BAIAP2L1: variants seen among roughly 807,000 people sequenced by gnomAD.
BAIAP2L1 encodes the protein BAR/IMD domain containing adaptor protein 2 like 1.
A neutral mutation model predicts 66.3 loss-of-function variants in BAIAP2L1; 35 were observed. The observed-to-expected ratio is 0.53, with a 90% CI of 0.40 to 0.70. The LOEUF is 0.70. Ranked by LOEUF, BAIAP2L1 falls within the 30% of genes least tolerant of loss-of-function variation. The probability of loss-of-function intolerance (pLI) is 0.00; values close to 1 mark genes in which losing one functional copy is unlikely to be tolerated. For synonymous variants in BAIAP2L1, 269 were observed against 248.7 expected, an observed-to-expected ratio of 1.08 and a Z score of -0.77; for missense variants, 622 against 656.9, an observed-to-expected ratio of 0.95 and a Z score of 0.58.
chr7:98,337,745 A>G (rs766653962), intron 3 of BAIAP2L1, among the ~76,000 whole-genome samples: 2 of 152,010 alleles, frequency 1.3e-5, no homozygotes, highest in Non-Finnish European at 2.9e-5. Context: ...GTGAAACCCC[A>G]TCTCTAATAA....
chr7:98,301,655 AGAT>A (rs756539056), intron 12 of BAIAP2L1, among the ~76,000 whole-genome samples: 4 of 151,942 alleles, frequency 2.6e-5, no homozygotes, highest in Admixed American at 6.6e-5. Flanking sequence ...GGGAACCTGA[AGAT>A]GATGGTGTGT....
At chr7:98,360,795 T>A (rs1802252574) in intron 2 of BAIAP2L1, among the ~76,000 whole-genome samples, 1 of 152,178 alleles carries the variant, frequency 6.6e-6, no homozygotes, top group Non-Finnish European at 1.5e-5. Context: ...CAGGGGCACT[T>A]GCAGAAGTCA....
At chr7:98,329,382 T>C (rs994481692) in intron 3 of BAIAP2L1, among the ~76,000 whole-genome samples, 18 of 152,078 alleles carry the variant, frequency 1.2e-4, no homozygotes, top group African/African-American at 3.6e-4. Flanking sequence ...GAAGAACTGC[T>C]GGGGGCTTGG....
intron 3 of BAIAP2L1, among the ~76,000 whole-genome samples, chr7:98,327,256 G>A (rs1303435306): frequency 1.3e-5 from 2 of 152,080 alleles, no homozygotes; most frequent in Non-Finnish European, 2.9e-5. Context: ...AGCTACTTGG[G>A]AGGCTGAAGC....
At chr7:98,310,687 T>TATTTATTTA in intron 8 of BAIAP2L1, 95 bp from the exon 9 acceptor site, 1 of 777,608 alleles carries the variant, frequency 1.3e-6, no homozygotes, top group Non-Finnish European at 1.8e-6. Flanking sequence ...AATAATAGGC[T>TATTTATTTA]ATTTATTTAT....
At chr7:98,387,536 T>TA (rs1444481351) in intron 1 of BAIAP2L1, among the ~76,000 whole-genome samples, 3 of 152,204 alleles carry the variant, frequency 2.0e-5, no homozygotes, top group African/African-American at 4.8e-5. Flanking sequence ...CTTGAGTTCT[T>TA]ACTATGCGCC....
chr7:98,393,076 C>CAT (rs1235705349), intron 1 of BAIAP2L1, among the ~76,000 whole-genome samples: 1 of 127,788 alleles, frequency 7.8e-6, no homozygotes, highest in Non-Finnish European at 1.6e-5. Flanking sequence ...TATATGTATA[C>CAT]ACACACATAT....
intron 12 of BAIAP2L1, among the ~76,000 whole-genome samples, chr7:98,295,909 G>C (rs979261194): frequency 1.3e-5 from 2 of 152,214 alleles, no homozygotes; most frequent in Non-Finnish European, 2.9e-5. Context: ...TAAGATGACA[G>C]CTGGAAGCCA....
chr7:98,374,175 C>T (rs1242736157), intron 1 of BAIAP2L1, among the ~76,000 whole-genome samples: 2 of 152,084 alleles, frequency 1.3e-5, no homozygotes, highest in Non-Finnish European at 2.9e-5. Context: ...CCTTGAACTC[C>T]TGGACTCAAG....
chr7:98,341,278 C>T (rs1479834653), intron 3 of BAIAP2L1, among the ~76,000 whole-genome samples: 3 of 152,162 alleles, frequency 2.0e-5, no homozygotes, highest in East Asian at 1.9e-4. Context: ...CAGACTCATA[C>T]TCACATGGTT....
chr7:98,342,418 G>T (rs561728344), intron 3 of BAIAP2L1, among the ~76,000 whole-genome samples: 1 of 152,224 alleles, frequency 6.6e-6, no homozygotes, highest in African/African-American at 2.4e-5. Flanking sequence ...CTGAGTATCA[G>T]CAAGACAAAT....
At chr7:98,334,376 A>C (rs145397903) in intron 3 of BAIAP2L1, among the ~76,000 whole-genome samples, 1 of 152,270 alleles carries the variant, frequency 6.6e-6, no homozygotes, top group Non-Finnish European at 1.5e-5. Flanking sequence ...TCAGTCACCT[A>C]GTAATTTTTA....
intron 2 of BAIAP2L1, chr7:98,355,482 TC>T: frequency 4.8e-6 from 1 of 208,340 alleles, no homozygotes; most frequent in South Asian, 9.8e-5. Flanking sequence ...ACACCTGTAA[TC>T]CCAGCCCTTT....
At chr7:98,364,815 A>G (rs1802353627) in intron 1 of BAIAP2L1, among the ~76,000 whole-genome samples, 1 of 151,514 alleles carries the variant, frequency 6.6e-6, no homozygotes, top group African/African-American at 2.4e-5. Flanking sequence ...CGAGACTCCC[A>G]TCGCTACAAA....
intron 2 of BAIAP2L1, among the ~76,000 whole-genome samples, chr7:98,359,459 G>GAT (rs1802215103): frequency 6.6e-6 from 1 of 152,126 alleles, no homozygotes; most frequent in African/African-American, 2.4e-5. Context: ...CTTTAGCAGA[G>GAT]ACGGGGTTTC....
intron 12 of BAIAP2L1, among the ~76,000 whole-genome samples, chr7:98,300,076 C>T (rs868865499): frequency 1.3e-5 from 2 of 152,154 alleles, no homozygotes; most frequent in Admixed American, 6.5e-5. Context: ...CAAATGTAAA[C>T]GTCTAGTTCC....
chr7:98,395,436 C>A (rs1171750749), intron 1 of BAIAP2L1, among the ~76,000 whole-genome samples: 187 of 121,078 alleles, frequency 1.5e-3, no homozygotes, highest in African/African-American at 1.4e-3. Context: ...AAGACTGTCT[C>A]AAAAAAAAAA....
chr7:98,370,862 T>C (rs890688475), intron 1 of BAIAP2L1, among the ~76,000 whole-genome samples: 2 of 152,168 alleles, frequency 1.3e-5, no homozygotes, highest in East Asian at 3.9e-4. Context: ...CTAGTTATTT[T>C]AGCTGAAGTA....
At chr7:98,370,493 T>C (rs991368316) in intron 1 of BAIAP2L1, among the ~76,000 whole-genome samples, 1 of 151,984 alleles carries the variant, frequency 6.6e-6, no homozygotes, top group Non-Finnish European at 1.5e-5. Flanking sequence ...TACAGAAATG[T>C]TCCCTCCCAG....
Sources: gnomAD v4.1 joint callset for allele counts (sites outside exome capture counted in the v4.1 genomes callset) on GRCh38, gnomAD v4.1.1 for gene constraint, MANE v1.5 for transcripts, NCBI Gene and HGNC (gene_info 2026-07-23, HGNC 2026-07-21) for gene names.